The following WBP1L variants were observed in gnomAD, a reference collection of about 807,000 sequenced individuals.
WBP1L encodes the protein WW domain binding protein 1 like.
Under a neutral mutation model 33.7 loss-of-function variants are expected in WBP1L, and 17 were observed. That is an observed-to-expected ratio of 0.50 (90% CI 0.34 to 0.76). The LOEUF (loss-of-function observed/expected upper bound fraction) is 0.76, where lower values mean the gene tolerates loss of function less well. Among genes scored for constraint, WBP1L ranks in the 30% least tolerant of loss-of-function variants. The pLI is 0.01. For synonymous variants in WBP1L, 173 were observed against 190.8 expected, an observed-to-expected ratio of 0.91 and a Z score of 0.77; for missense variants, 389 against 469.4, an observed-to-expected ratio of 0.83 and a Z score of 1.58.
intron 3 of WBP1L, among the ~76,000 whole-genome samples, chr10:102,810,560 A>T (rs1478986803): frequency 0.057 from 765 of 13,484 alleles, 1 homozygote; most frequent in Middle Eastern, 0.083. Context: ...CTCTCTCTCT[A>T]TTTCTTTTTT....
chr10:102,760,000 C>G (rs1459396822), intron 1 of WBP1L, among the ~76,000 whole-genome samples: 1 of 152,194 alleles, frequency 6.6e-6, no homozygotes, highest in South Asian at 2.1e-4. Flanking sequence ...ATGAGAGTTT[C>G]AATTTCTCCA....
At chr10:102,757,546 T>G (rs1308468532) in intron 1 of WBP1L, among the ~76,000 whole-genome samples, 1 of 143,074 alleles carries the variant, frequency 7.0e-6, no homozygotes, top group Non-Finnish European at 1.5e-5. Flanking sequence ...CTTCCTGTTC[T>G]CAGGGGAAGA....
chr10:102,747,803 C>T (rs1181455363), intron 1 of WBP1L, among the ~76,000 whole-genome samples: 1 of 151,260 alleles, frequency 6.6e-6, no homozygotes, highest in Admixed American at 6.6e-5. Flanking sequence ...GTTGGGATTA[C>T]AGGCATGAGC....
Position 102,785,423 on chromosome 10 carries a change from A to AGG in WBP1L, c.91-12570_91-12569insGG, listed in dbSNP as rs1554875776. Among the ~76,000 whole-genome samples the AGG allele has an allele frequency of 4.4e-5, 6 of 137,808 alleles. No individual in the cohort carries two copies. In the East Asian group the frequency reaches 9.2e-4, roughly 21 times the overall value. The allele number at this position is 137,808 out of a possible 152,430, so 90.4% of individuals were successfully genotyped here. On this transcript the variant is annotated intron_variant, in intron 1 of 3. Coordinates refer to ENST00000448841, the MANE Select transcript of WBP1L (RefSeq NM_001083913.2). ...AGGATGGTCTCGAACTCCTGATCTC[A>AGG]TGATCCACCTAGCTCGGCCTCCCAA...
chr10:102,797,580 T>C (rs1843590059), intron 1 of WBP1L, among the ~76,000 whole-genome samples: 1 of 152,138 alleles, frequency 6.6e-6, no homozygotes, highest in South Asian at 2.1e-4. Context: ...TGAGATGGAG[T>C]CTCGCTCTGT....
In WBP1L at chr10:102,758,073, C is replaced by T. The variant is rs190059094; in HGVS notation, c.90+13930C>T. Among the ~76,000 whole-genome samples the T allele has an allele frequency of 5.1e-4, 77 of 151,646 alleles. 1 individual carries two copies. The highest frequency in any genetic ancestry group is 4.0e-3 in the Admixed American group (61 of 15,212). ...CTAATTTTTGTATTTTTAGTAGAGA[C>T]GGGGTTTCCCCATGTTGGCCAGACT... On this transcript the variant is annotated intron_variant, in intron 1 of 3. Transcript: ENST00000448841.
In WBP1L at chr10:102,776,161, C is replaced by T. The variant is rs146884162; in HGVS notation, c.91-21832C>T. ...CGGCTTTGCTGCGTCTGAGATATGT[C>T]ACGAGAAGGTGGGGGTGGGCCAGAG... On this transcript the variant is annotated intron_variant, in intron 1 of 3. Transcript: ENST00000448841. The T allele has an allele frequency of 4.4e-4, 632 of 1,420,394 alleles. 3 individuals carry two copies. The East Asian group carries it at 0.013, about 29-fold the overall frequency. The allele number at this position is 1,420,394 out of a possible 1,614,324, so 88.0% of individuals were successfully genotyped here.
chr10:102,746,076 T>C, intron 1 of WBP1L: 1 of 925,572 alleles, frequency 1.1e-6, no homozygotes, highest in Non-Finnish European at 1.3e-6. Context: ...GTCAGAGCCT[T>C]TGGAGATGGG....
chr10:102,799,050 G>A (rs765138470), intron 2 of WBP1L, among the ~76,000 whole-genome samples: 1 of 152,170 alleles, frequency 6.6e-6, no homozygotes, highest in Non-Finnish European at 1.5e-5. Context: ...TGGAGGCTGG[G>A]CACAGTAGCT....
intron 3 of WBP1L, among the ~76,000 whole-genome samples, chr10:102,811,791 G>A (rs1046743487): frequency 6.6e-6 from 1 of 152,228 alleles, no homozygotes; most frequent in Admixed American, 6.5e-5. Context: ...GATTACAGGC[G>A]TAAGCCACTG....
At chr10:102,780,175 T>C (rs193264497) in intron 1 of WBP1L, among the ~76,000 whole-genome samples, 2,280 of 152,284 alleles carry the variant, frequency 0.015, 34 homozygotes, top group Admixed American at 0.038. Flanking sequence ...AGTTCTTTCA[T>C]GCAAGGGACA....
chr10:102,749,459 T>C (rs572759175), intron 1 of WBP1L, among the ~76,000 whole-genome samples: 68 of 151,656 alleles, frequency 4.5e-4, no homozygotes, highest in Non-Finnish European at 7.4e-5. Flanking sequence ...TTTTTCTTTT[T>C]TTTTTCTCTC....
chr10:102,768,815 G>A (rs1253696936), intron 1 of WBP1L, among the ~76,000 whole-genome samples: 1 of 150,736 alleles, frequency 6.6e-6, no homozygotes, highest in Non-Finnish European at 1.5e-5. Context: ...AGCCTCCCAA[G>A]TAGCTGGGAC....
intron 2 of WBP1L, among the ~76,000 whole-genome samples, chr10:102,808,087 G>C (rs1184879840): frequency 1.3e-5 from 2 of 152,042 alleles, no homozygotes; most frequent in Non-Finnish European, 2.9e-5. Flanking sequence ...GTGGAGGTGG[G>C]AGGACAGCTT....
chr10:102,799,114 C>T (rs1409762729), intron 2 of WBP1L, among the ~76,000 whole-genome samples: 4 of 152,086 alleles, frequency 2.6e-5, no homozygotes, highest in Admixed American at 2.0e-4. Flanking sequence ...TCACTTGAGC[C>T]CAAGAGTTCA....
intron 1 of WBP1L, among the ~76,000 whole-genome samples, chr10:102,760,376 C>CTT (rs71019612): frequency 1.9e-3 from 180 of 96,144 alleles, no homozygotes; most frequent in Non-Finnish European, 2.6e-3. Flanking sequence ...TTCTTTCTTT[C>CTT]TTTTTTTTTT....
chr10:102,814,489 G>T lies in WBP1L; in HGVS notation c.*1158G>T, dbSNP rs541531940. On this transcript the variant is annotated 3_prime_UTR_variant, in exon 4 of 4. Transcript: ENST00000448841. ...TTGATTCTGAATAAATATTTTTTGT[G>T]GGGTTTTTTTTTTTTTTTTGGTGGC... 1.1e-5 allele frequency: 1 copy of T among 90,528 alleles called. No homozygotes were observed. The highest frequency in any genetic ancestry group is 3.8e-5 in the African/African-American group (1 of 26,246). 5.6% of individuals were successfully genotyped at this position (90,528 alleles called of 1,614,324 possible). A position where few individuals can be genotyped will look rare whatever the true frequency, so the allele number is the denominator to read the frequency against.
rs977905423 is a variant in WBP1L at position 102,813,501 on chromosome 10, G to C, written c.*170G>C. On this transcript the variant is annotated 3_prime_UTR_variant, in exon 4 of 4. Coordinates refer to ENST00000448841, the MANE Select transcript of WBP1L (RefSeq NM_001083913.2). ...TTTCCTCCATCTCCAGGTACAGTTC[G>C]GGGTGTGGATGCCTCTTCCTCCACA... 2.1e-6 allele frequency: 2 copies of C among 972,046 alleles called. No homozygotes were observed. Among genetic ancestry groups the C allele is most frequent in the Non-Finnish European group, 3.0e-6 (2 of 677,872 alleles). 60.2% of individuals were successfully genotyped at this position (972,046 alleles called of 1,614,324 possible). A position where few individuals can be genotyped will look rare whatever the true frequency, so the allele number is the denominator to read the frequency against.
intron 1 of WBP1L, among the ~76,000 whole-genome samples, chr10:102,785,469 G>A (rs548532453): frequency 6.6e-6 from 1 of 152,298 alleles, no homozygotes; most frequent in African/African-American, 2.4e-5. Flanking sequence ...TTACAGGCGT[G>A]AGCCACTGCG....
Sources: gnomAD v4.1 joint callset for allele counts (sites outside exome capture counted in the v4.1 genomes callset) on GRCh38, gnomAD v4.1.1 for gene constraint, MANE v1.5 for transcripts, NCBI Gene and HGNC (gene_info 2026-07-23, HGNC 2026-07-21) for gene names.